The following ANGPT1 variants were observed in gnomAD, a reference collection of about 807,000 sequenced individuals.
ANGPT1 encodes angiopoietin 1, also known as angiopoietin-1.
A neutral mutation model predicts 62.2 loss-of-function variants in ANGPT1; 17 were observed. That is an observed-to-expected ratio of 0.27 (90% CI 0.19 to 0.41). The LOEUF (loss-of-function observed/expected upper bound fraction) is 0.41, where lower values mean the gene tolerates loss of function less well. Ranked by LOEUF, ANGPT1 falls within the 10% of genes least tolerant of loss-of-function variation. The pLI, the probability that ANGPT1 is intolerant of heterozygous loss-of-function variation, is 1.00. For synonymous variants in ANGPT1, 199 were observed against 198.9 expected (o/e 1.00, Z 0.00); for missense variants, 478 against 594.9 (o/e 0.80, Z 2.04).
At chr8:107,378,915 T>C (rs184651157) in intron 1 of ANGPT1, among the ~76,000 whole-genome samples, 54 of 78,768 alleles carry the variant, frequency 6.9e-4, no homozygotes, top group Admixed American at 4.9e-3. Flanking sequence ...TGAACAAATA[T>C]ATATATATAT....
At chr8:107,403,327 G>A (rs1258665604) in intron 1 of ANGPT1, among the ~76,000 whole-genome samples, 7 of 152,130 alleles carry the variant, frequency 4.6e-5, no homozygotes, top group South Asian at 2.1e-4. Flanking sequence ...TGATTAGCCA[G>A]TTTGGGGACT....
chr8:107,335,688 T>C (rs1275584752), intron 3 of ANGPT1, among the ~76,000 whole-genome samples: 2 of 152,176 alleles, frequency 1.3e-5, no homozygotes, highest in African/African-American at 2.4e-5. Context: ...AGAAAAAATA[T>C]ACATTTTCCT....
intron 1 of ANGPT1, among the ~76,000 whole-genome samples, chr8:107,354,657 T>C (rs986594959): frequency 6.6e-6 from 1 of 152,176 alleles, no homozygotes; most frequent in Non-Finnish European, 1.5e-5. Context: ...AGCAAAGCCC[T>C]GGACTGGATC....
At chr8:107,485,942 G>T (rs778558887) in intron 1 of ANGPT1, among the ~76,000 whole-genome samples, 4 of 152,200 alleles carry the variant, frequency 2.6e-5, no homozygotes, top group Non-Finnish European at 5.9e-5. Flanking sequence ...GTGCTTCTAA[G>T]GAGTTACACA....
chr8:107,267,306 T>C lies in ANGPT1; in HGVS notation c.1206-2955A>G, dbSNP rs1008815864. On this transcript the variant is annotated intron_variant, in intron 7 of 8. Coordinates refer to ENST00000517746, the MANE Select transcript of ANGPT1 (RefSeq NM_001146.5). The stretch of plus-strand genomic sequence containing the variant: ...TTTCTCTAAAATCATTTGGAAAATA[T>C]TGTATGAATATATCATCAATAGTCA... Among the ~76,000 whole-genome samples, 7 of 152,316 alleles carry C rather than the reference T, an allele frequency of 4.6e-5. No homozygotes were observed. The East Asian group carries it at 5.8e-4, about 13-fold the overall frequency.
rs567141836 is a variant in ANGPT1 at position 107,463,336 on chromosome 8, C to T, written c.297+33926G>A. Among the ~76,000 whole-genome samples the T allele has an allele frequency of 2.0e-5, 3 of 152,226 alleles. No individual in the cohort carries two copies. In the South Asian group the frequency reaches 6.2e-4, roughly 32 times the overall value. ...CACCTTGATTATGGCCTCTGAGAGA[C>T]TCTAGAGCAAAGGACCCACGTAAGT... On this transcript the variant is annotated intron_variant, in intron 1 of 8. Coordinates refer to ENST00000517746, the MANE Select transcript of ANGPT1 (RefSeq NM_001146.5).
intron 1 of ANGPT1, among the ~76,000 whole-genome samples, chr8:107,379,977 A>G (rs1309969404): frequency 1.3e-5 from 2 of 152,168 alleles, no homozygotes; most frequent in Non-Finnish European, 2.9e-5. Flanking sequence ...AAATGATGAA[A>G]GAACTTCCAC....
intron 4 of ANGPT1, among the ~76,000 whole-genome samples, chr8:107,315,382 C>G (rs539634867): frequency 2.6e-5 from 4 of 152,096 alleles, no homozygotes; most frequent in Non-Finnish European, 4.4e-5. Flanking sequence ...GTTATCTGTC[C>G]TTTCACATTC....
intron 1 of ANGPT1, among the ~76,000 whole-genome samples, chr8:107,397,977 C>T (rs1003601052): frequency 2.0e-5 from 3 of 152,152 alleles, no homozygotes; most frequent in Non-Finnish European, 4.4e-5. Flanking sequence ...TGAATTATTA[C>T]CAGATTATCA....
At chr8:107,482,500 A>G (rs998840046) in intron 1 of ANGPT1, among the ~76,000 whole-genome samples, 2 of 152,160 alleles carry the variant, frequency 1.3e-5, no homozygotes, top group African/African-American at 2.4e-5. Context: ...CTTGGGGTAT[A>G]TGGACTTCTA....
At chr8:107,423,487 G>A (rs750743594) in intron 1 of ANGPT1, among the ~76,000 whole-genome samples, 31 of 152,240 alleles carry the variant, frequency 2.0e-4, no homozygotes, top group African/African-American at 3.1e-4. Flanking sequence ...GCTCCGCAGC[G>A]TCTTGTGGGA....
At chr8:107,491,672 G>A (rs997573713) in intron 1 of ANGPT1, among the ~76,000 whole-genome samples, 4 of 152,188 alleles carry the variant, frequency 2.6e-5, no homozygotes, top group Non-Finnish European at 5.9e-5. Flanking sequence ...TGTCACTTGA[G>A]TGTCTGGAAT....
At chr8:107,271,236 G>C (rs1813726631) in intron 7 of ANGPT1, among the ~76,000 whole-genome samples, 1 of 151,974 alleles carries the variant, frequency 6.6e-6, no homozygotes, top group Admixed American at 6.6e-5. Flanking sequence ...ATCCTCAGTT[G>C]CCTCATCTGT....
intron 2 of ANGPT1, among the ~76,000 whole-genome samples, chr8:107,343,316 T>G (rs1316279206): frequency 6.6e-6 from 1 of 152,100 alleles, no homozygotes; most frequent in Non-Finnish European, 1.5e-5. Context: ...CGGGATGGTC[T>G]AATTACAGGA....
intron 1 of ANGPT1, among the ~76,000 whole-genome samples, chr8:107,404,006 G>A (rs1817097011): frequency 1.3e-5 from 2 of 152,088 alleles, no homozygotes; most frequent in African/African-American, 2.4e-5. Flanking sequence ...TAAATAAAGG[G>A]CTGTTGCAAC....
chr8:107,390,803 A>C (rs1295529195), intron 1 of ANGPT1, among the ~76,000 whole-genome samples: 1 of 152,206 alleles, frequency 6.6e-6, no homozygotes, highest in African/African-American at 2.4e-5. Context: ...ACTGAGTCAC[A>C]GAAAGATTCA....
chr8:107,410,035 G>A (rs927774005), intron 1 of ANGPT1, among the ~76,000 whole-genome samples: 1 of 152,098 alleles, frequency 6.6e-6, no homozygotes, highest in Non-Finnish European at 1.5e-5. Context: ...TAATAGGAAA[G>A]TTATGCCAGA....
intron 1 of ANGPT1, among the ~76,000 whole-genome samples, chr8:107,360,202 A>G (rs1312847991): frequency 6.6e-6 from 1 of 152,212 alleles, no homozygotes; most frequent in Non-Finnish European, 1.5e-5. Context: ...ACCAAGGGGA[A>G]AGTGCTGTGT....
At chr8:107,461,021 G>A (rs1296736722) in intron 1 of ANGPT1, among the ~76,000 whole-genome samples, 1 of 152,062 alleles carries the variant, frequency 6.6e-6, no homozygotes, top group Non-Finnish European at 1.5e-5. Flanking sequence ...CAGTGTGACA[G>A]ATACACAAAG....
Sources: gnomAD v4.1 joint callset for allele counts (sites outside exome capture counted in the v4.1 genomes callset) on GRCh38, gnomAD v4.1.1 for gene constraint, MANE v1.5 for transcripts, NCBI Gene and HGNC (gene_info 2026-07-23, HGNC 2026-07-21) for gene names.